L3MBTL4: variants seen among roughly 807,000 people sequenced by gnomAD.
L3MBTL4 encodes L3MBTL histone methyl-lysine binding protein 4.
Under a neutral mutation model 84.5 loss-of-function variants are expected in L3MBTL4, and 70 were observed. The observed-to-expected ratio is 0.83, with a 90% CI of 0.68 to 1.01. The LOEUF is 1.01. Among genes scored for constraint, L3MBTL4 ranks in the 50% least tolerant of loss-of-function variants. L3MBTL4 has a pLI of 0.00. For missense variants in L3MBTL4, 715 were observed against 754.8 expected, an observed-to-expected ratio of 0.95 and a Z score of 0.62; for synonymous variants, 274 against 259.8, an observed-to-expected ratio of 1.05 and a Z score of -0.52.
At chr18:6,149,843 T>C (rs7230402) in intron 13 of L3MBTL4, among the ~76,000 whole-genome samples, 7,671 of 152,180 alleles carry the variant, frequency 0.05, 674 homozygotes, top group African/African-American at 0.18. Flanking sequence ...TGCAAAACCA[T>C]CCCCCTTCTC....
At chr18:6,283,040 G>A (rs1387669041) in intron 4 of L3MBTL4, among the ~76,000 whole-genome samples, 2 of 152,162 alleles carry the variant, frequency 1.3e-5, no homozygotes, top group Non-Finnish European at 2.9e-5. Flanking sequence ...AAGACCCACA[G>A]GTACAGGCTT....
intron 1 of L3MBTL4, among the ~76,000 whole-genome samples, chr18:6,352,601 T>C (rs2143804612): frequency 6.6e-6 from 1 of 152,336 alleles, no homozygotes; most frequent in East Asian, 1.9e-4. Flanking sequence ...ATTCCCCACA[T>C]TATGAGTCCT....
At chr18:6,406,491 C>T (rs2055741234) in intron 1 of L3MBTL4, among the ~76,000 whole-genome samples, 1 of 152,184 alleles carries the variant, frequency 6.6e-6, no homozygotes, top group Admixed American at 6.5e-5. Context: ...CATAATACAA[C>T]CGGACCTCTG....
At chr18:6,142,176 G>A (rs573110588) in intron 13 of L3MBTL4, among the ~76,000 whole-genome samples, 1 of 152,250 alleles carries the variant, frequency 6.6e-6, no homozygotes, top group South Asian at 2.1e-4. Context: ...TTTGTTTAAT[G>A]TCTATCTCTC....
At chr18:6,018,438 A>C (rs1225012687) in intron 16 of L3MBTL4, among the ~76,000 whole-genome samples, 1 of 152,150 alleles carries the variant, frequency 6.6e-6, no homozygotes, top group African/African-American at 2.4e-5. Context: ...GGAAATTCTG[A>C]AGTAAAGGAT....
intron 14 of L3MBTL4, among the ~76,000 whole-genome samples, chr18:6,118,176 C>T (rs1424722719): frequency 1.4e-5 from 2 of 147,310 alleles, no homozygotes; most frequent in African/African-American, 5.1e-5. Flanking sequence ...AACTCACTCT[C>T]TCTCTCTCTC....
intron 13 of L3MBTL4, among the ~76,000 whole-genome samples, chr18:6,142,251 C>A (rs1343852228): frequency 6.6e-6 from 1 of 152,210 alleles, no homozygotes; most frequent in East Asian, 1.9e-4. Flanking sequence ...TCTAGCCCAA[C>A]ACATAGTTAG....
At chr18:6,120,411 A>C (rs2144300343) in intron 14 of L3MBTL4, among the ~76,000 whole-genome samples, 2 of 152,304 alleles carry the variant, frequency 1.3e-5, no homozygotes, top group South Asian at 4.1e-4. Context: ...CTGTGTTGCA[A>C]GGGCCAGCTT....
intron 13 of L3MBTL4, among the ~76,000 whole-genome samples, chr18:6,150,635 G>A (rs1029556529): frequency 2.0e-5 from 3 of 152,216 alleles, no homozygotes; most frequent in Admixed American, 6.5e-5. Flanking sequence ...CTTCGATAAC[G>A]TAAAAGGAGC....
At chr18:6,007,127 C>T (rs780076147) in intron 16 of L3MBTL4, among the ~76,000 whole-genome samples, 10 of 151,946 alleles carry the variant, frequency 6.6e-5, no homozygotes, top group African/African-American at 1.9e-4. Context: ...AATAAACAAA[C>T]ATAACGCTCA....
intron 17 of L3MBTL4, among the ~76,000 whole-genome samples, chr18:5,964,147 G>A (rs1337657412): frequency 6.6e-6 from 1 of 152,228 alleles, no homozygotes; most frequent in Middle Eastern, 3.2e-3. Context: ...ACATTCTCAG[G>A]CACGCAGTGT....
chr18:6,319,075 G>T (rs1046216446), intron 1 of L3MBTL4, among the ~76,000 whole-genome samples: 15 of 152,092 alleles, frequency 9.9e-5, no homozygotes, highest in African/African-American at 3.6e-4. Context: ...AAAATTCTTT[G>T]ACATGAGTGA....
chr18:6,193,296 C>G (rs2045213569), intron 12 of L3MBTL4, among the ~76,000 whole-genome samples: 1 of 151,698 alleles, frequency 6.6e-6, no homozygotes, highest in Non-Finnish European at 1.5e-5. Context: ...CTAAAATAAC[C>G]AAGCAGGGGC....
At chr18:6,270,392 C>A (rs2048815186) in intron 4 of L3MBTL4, among the ~76,000 whole-genome samples, 1 of 152,174 alleles carries the variant, frequency 6.6e-6, no homozygotes, top group African/African-American at 2.4e-5. Context: ...TCCAACTTCT[C>A]CCTCACACCG....
At chr18:6,227,970 A>G (rs1227256656) in intron 10 of L3MBTL4, among the ~76,000 whole-genome samples, 2 of 152,168 alleles carry the variant, frequency 1.3e-5, no homozygotes, top group Non-Finnish European at 2.9e-5. Flanking sequence ...CCAGGACAAG[A>G]ACAGCTTTTT....
chr18:6,311,166 C>CTG (rs754128272), intron 3 of L3MBTL4, among the ~76,000 whole-genome samples: 3 of 151,666 alleles, frequency 2.0e-5, no homozygotes, highest in Non-Finnish European at 2.9e-5. Flanking sequence ...CTCTCTCGCT[C>CTG]TGTGTGTGTG....
chr18:6,102,682 G>C (rs1451270237), intron 14 of L3MBTL4, among the ~76,000 whole-genome samples: 2 of 152,212 alleles, frequency 1.3e-5, no homozygotes, highest in Non-Finnish European at 2.9e-5. Context: ...ATGGCAAGAA[G>C]ATGAACTCTG....
chr18:6,104,093 T>C lies in L3MBTL4; in HGVS notation c.1200-10565A>G, dbSNP rs192384376. Among the ~76,000 whole-genome samples, 271 of 152,188 alleles carry C rather than the reference T, an allele frequency of 1.8e-3. 3 individuals carry two copies. Among genetic ancestry groups the C allele is most frequent in the African/African-American group, 6.1e-3 (252 of 41,522 alleles). On this transcript the variant is annotated intron_variant, in intron 14 of 18. Transcript: ENST00000317931. ...CAGAGTTAAAACAAGAGATAACAAG[T>C]ATTGGTGAGGATGTGAAAAAACTGG...
intron 16 of L3MBTL4, among the ~76,000 whole-genome samples, chr18:6,065,628 T>A (rs1023563091): frequency 1.3e-5 from 2 of 152,108 alleles, no homozygotes; most frequent in Non-Finnish European, 2.9e-5. Flanking sequence ...GTTTCTAGTT[T>A]GTGTGCATAA....
Sources: gnomAD v4.1 joint callset for allele counts (sites outside exome capture counted in the v4.1 genomes callset) on GRCh38, gnomAD v4.1.1 for gene constraint, MANE v1.5 for transcripts, NCBI Gene and HGNC (gene_info 2026-07-23, HGNC 2026-07-21) for gene names.